The following ABCC11 variants were observed in gnomAD, a reference collection of about 807,000 sequenced individuals.
The protein encoded by ABCC11 is ATP-binding cassette sub-family C member 11.
In ABCC11, 135 loss-of-function variants were observed where a neutral mutation model predicts 149.3. That is an observed-to-expected ratio of 0.90 (90% CI 0.79 to 1.04). The LOEUF (loss-of-function observed/expected upper bound fraction) is 1.04, where lower values mean the gene tolerates loss of function less well. Ranked by LOEUF, ABCC11 falls within the 50% of genes least tolerant of loss-of-function variation. ABCC11 has a pLI of 0.00. For missense variants in ABCC11, 1,680 were observed against 1,722.1 expected, an observed-to-expected ratio of 0.98 and a Z score of 0.43; for synonymous variants, 665 against 671.4, an observed-to-expected ratio of 0.99 and a Z score of 0.15.
chr16:48,184,532 G>A lies in ABCC11; in HGVS notation c.3166C>T (p.Leu1056Phe), dbSNP rs1966636449. 7 of 1,614,230 alleles carry A rather than the reference G, an allele frequency of 4.3e-6. No individual in the cohort carries two copies. The highest frequency in any genetic ancestry group is 1.1e-5 in the South Asian group (1 of 91,086). ...AACAGGGCAACAGCCAAGGTCACAA[G>A]GTTGGTCATGATCTCCAGCCTCAAT... ...MALRLEIMTN[L>F]VTLAVALFVA... The change falls in exon 23 of 30, where the codon CTT (leucine) becomes TTT (phenylalanine). Residue 1056 changes from leucine (L) to phenylalanine (F), a missense_variant. Leu to Phe is a conservative substitution (Grantham distance 22). Coordinates refer to ENST00000356608, the MANE Select transcript of ABCC11 (RefSeq NM_001370497.1).
intron 12 of ABCC11, 57 bp downstream of exon 12, chr16:48,208,368 C>T (rs1968621725): frequency 6.2e-7 from 1 of 1,607,050 alleles, no homozygotes; most frequent in Admixed American, 1.7e-5. Flanking sequence ...GGCACTGGAG[C>T]TTGGGAGGGC....
chr16:48,183,173 A>T (rs1216325326), intron 23 of ABCC11, among the ~76,000 whole-genome samples: 1 of 152,252 alleles, frequency 6.6e-6, no homozygotes, highest in Admixed American at 6.5e-5. Context: ...ATCCCAAGCC[A>T]ATTAGAGAGA....
Position 48,231,913 on chromosome 16 carries a change from C to T in ABCC11, c.9G>A (p.Arg3=), listed in dbSNP as rs1970445441. 2.5e-6 allele frequency: 4 copies of T among 1,614,112 alleles called. No homozygotes were observed. The South Asian group carries it at 4.4e-5, about 18-fold the overall frequency. The change falls in exon 2 of 30, where the codon AGG becomes AGA. Residue 3 remains arginine (R), a synonymous_variant. Coordinates refer to ENST00000356608, the MANE Select transcript of ABCC11 (RefSeq NM_001370497.1). ...AGTTGGGCACCCAGTATGTCCTCTT[C>T]CTAGTCATTTTCAGTTCCTGCCAAT... MT[R]KRTYWVPNSS... is the part of the protein sequence containing the mutation.
intron 1 of ABCC11, chr16:48,244,450 G>T: frequency 6.3e-7 from 1 of 1,595,382 alleles, no homozygotes; most frequent in Non-Finnish European, 8.5e-7. Context: ...ACCCACGAGG[G>T]CGTCCTGCTG....
At chr16:48,240,594 T>C (rs911582941) in intron 1 of ABCC11, among the ~76,000 whole-genome samples, 23 of 152,068 alleles carry the variant, frequency 1.5e-4, no homozygotes, top group Non-Finnish European at 1.2e-4. Context: ...ACCTAGATTA[T>C]GGGTTGATCT....
At chr16:48,196,395 T>C in intron 17 of ABCC11, 74 bp from the exon 18 acceptor site, 1 of 1,428,306 alleles carries the variant, frequency 7.0e-7, no homozygotes. Flanking sequence ...GTCTCTGGCT[T>C]CGATCCTGTG....
intron 11 of ABCC11, among the ~76,000 whole-genome samples, chr16:48,209,068 G>T (rs190074272): frequency 1.8e-4 from 28 of 152,292 alleles, no homozygotes; most frequent in African/African-American, 6.5e-4. Context: ...GTAAAATGAA[G>T]TTGACTCTTA....
At chr16:48,222,930 G>T in intron 5 of ABCC11, 99 bp from the exon 6 acceptor site, 4 of 1,038,358 alleles carry the variant, frequency 3.9e-6, no homozygotes, top group Non-Finnish European at 4.2e-6. Flanking sequence ...ATTCATGCTG[G>T]GGGTTTGTTG....
intron 1 of ABCC11, among the ~76,000 whole-genome samples, chr16:48,243,771 C>T (rs1242969445): frequency 2.0e-5 from 3 of 152,126 alleles, no homozygotes; most frequent in Non-Finnish European, 2.9e-5. Context: ...GTGGACGGAT[C>T]GCTTGAGGTC....
At position 48,166,721 on chromosome 16, in the gene ABCC11, C is replaced by T. The variant is rs989945927; in HGVS notation, c.*553G>A. On this transcript the variant is annotated 3_prime_UTR_variant, in exon 30 of 30. Coordinates refer to ENST00000356608, the MANE Select transcript of ABCC11 (RefSeq NM_001370497.1). ...CTCTACTAAAAATACAAAAATTAGC[C>T]AGTCATGGTGGCACATGCTTGTAAT... Among the ~76,000 whole-genome samples, 1 of 152,256 alleles carries T rather than the reference C, an allele frequency of 6.6e-6. No individual in the cohort carries two copies. Among genetic ancestry groups the T allele is most frequent in the South Asian group, 2.1e-4 (1 of 4,832 alleles).
chr16:48,186,451 T>C (rs1369932721), intron 22 of ABCC11, among the ~76,000 whole-genome samples: 1 of 152,250 alleles, frequency 6.6e-6, no homozygotes, highest in African/African-American at 2.4e-5. Context: ...GATTATTCTC[T>C]ACAAACAGAT....
chr16:48,205,802 G>GT (rs144649541), intron 12 of ABCC11, among the ~76,000 whole-genome samples: 2,677 of 149,612 alleles, frequency 0.018, 102 homozygotes, highest in African/African-American at 0.064. Flanking sequence ...CACTCCATAC[G>GT]TTTTTTCCTC....
intron 4 of ABCC11, among the ~76,000 whole-genome samples, chr16:48,226,718 A>T (rs890188524): frequency 2.0e-5 from 3 of 152,220 alleles, no homozygotes; most frequent in African/African-American, 7.2e-5. Context: ...CTTACCAAAT[A>T]GGTCTGAGAA....
At chr16:48,218,079 T>C (rs1249676123) in intron 6 of ABCC11, among the ~76,000 whole-genome samples, 3 of 152,110 alleles carry the variant, frequency 2.0e-5, no homozygotes, top group Non-Finnish European at 4.4e-5. Context: ...GGATGATTGT[T>C]TGAGGCCAGG....
Position 48,184,654 on chromosome 16 carries a change from C to T in ABCC11, c.3072-28G>A, listed in dbSNP as rs374840276. On this transcript the variant is annotated intron_variant, in intron 22 of 29. Coordinates refer to ENST00000356608, the MANE Select transcript of ABCC11 (RefSeq NM_001370497.1). ...GAGAAGGAAAGCACAGACTAAGAACCATGTGTTTGTCTGACCTAGGGTCTC... is the reference window on the plus strand; with the variant it reads ...GAGAAGGAAAGCACAGACTAAGAACTATGTGTTTGTCTGACCTAGGGTCTC... The T allele has an allele frequency of 1.9e-6, 3 of 1,604,694 alleles. No homozygotes were observed. In the African/African-American group the frequency reaches 4.0e-5, roughly 21 times the overall value.
At position 48,227,918 on chromosome 16, in the gene ABCC11, G is replaced by C. The variant is rs145987153; in HGVS notation, c.283C>G (p.Leu95Val). 4.9e-4 allele frequency: 787 copies of C among 1,614,104 alleles called. No homozygotes were observed. Among genetic ancestry groups the C allele is most frequent in the Admixed American group, 6.2e-4 (37 of 60,014 alleles). The change falls in exon 4 of 30, where the codon CTC becomes GTC. Residue 95 changes from leucine to valine, a missense_variant. By Grantham distance (32) the Leu-to-Val change is conservative. Coordinates refer to ENST00000356608, the MANE Select transcript of ABCC11 (RefSeq NM_001370497.1). ...PLDNAGLFSY[L>V]TVSWLTPLMI... ...AGCGGGGTGAGCCATGACACGGTGAGGTAGGAGAACAGGCCAGCATTGTCC... is the reference window on the plus strand; with the variant it reads ...AGCGGGGTGAGCCATGACACGGTGACGTAGGAGAACAGGCCAGCATTGTCC...
At chr16:48,207,694 G>A (rs1310681894) in intron 12 of ABCC11, among the ~76,000 whole-genome samples, 1 of 151,830 alleles carries the variant, frequency 6.6e-6, no homozygotes, top group Non-Finnish European at 1.5e-5. Context: ...GGAAGGGAAG[G>A]AAAGGGAAGG....
chr16:48,224,365 C>G lies in ABCC11; in HGVS notation c.460G>C (p.Val154Leu). Reference protein sequence around the residue: ...RGIEKASVLLVMLRFQRTRLI... With the variant: ...RGIEKASVLLLMLRFQRTRLI... ...CTTGTTCTCTGGAACCTCAGCATCACCAGAAGCACTGAAGCTTTTTCAATC... is the reference window on the plus strand; with the variant it reads ...CTTGTTCTCTGGAACCTCAGCATCAGCAGAAGCACTGAAGCTTTTTCAATC... The change falls in exon 5 of 30, where the codon GTG becomes CTG. Residue 154 changes from valine (V) to leucine (L), a missense_variant. Physicochemically the swap from Val to Leu is conservative, Grantham distance 32 (BLOSUM62 1). Transcript: ENST00000356608. 3 of 1,614,164 alleles carry G rather than the reference C, an allele frequency of 1.9e-6. No individual in the cohort carries two copies. The highest frequency in any genetic ancestry group is 2.5e-6 in the Non-Finnish European group (3 of 1,180,008).
Position 48,227,830 on chromosome 16 carries a change from T to A in ABCC11, c.371A>T (p.Asp124Val). 1 of 1,614,004 alleles carries A rather than the reference T, an allele frequency of 6.2e-7. No individual in the cohort carries two copies. The highest frequency in any genetic ancestry group is 1.1e-5 in the South Asian group (1 of 91,064). ...CCTTTGGACATTTTTGTCTGAGGCATCATGGACTGACAGTGGAGGGATGGT... is the reference window on the plus strand; with the variant it reads ...CCTTTGGACATTTTTGTCTGAGGCAACATGGACTGACAGTGGAGGGATGGT... ...ENTIPPLSVH[D>V]ASDKNVQRLH... The change falls in exon 4 of 30, where the codon GAT becomes GTT. Residue 124 changes from aspartate (D) to valine (V), a missense_variant. Coordinates refer to ENST00000356608, the MANE Select transcript of ABCC11 (RefSeq NM_001370497.1).
Sources: gnomAD v4.1 joint callset for allele counts (sites outside exome capture counted in the v4.1 genomes callset) on GRCh38, gnomAD v4.1.1 for gene constraint, MANE v1.5 for transcripts, NCBI Gene and HGNC (gene_info 2026-07-23, HGNC 2026-07-21) for gene names.